The following TMEM163 variants were observed in gnomAD, a reference collection of about 807,000 sequenced individuals.
The protein encoded by TMEM163 is transmembrane protein 163.
In TMEM163, 17 loss-of-function variants were observed where a neutral mutation model predicts 29.3. The ratio of observed to expected loss-of-function variants is 0.58; its 90% CI spans 0.40 to 0.87. The LOEUF (loss-of-function observed/expected upper bound fraction) is 0.87, where lower values mean the gene tolerates loss of function less well. TMEM163 is among the 40% of genes least tolerant of loss of function. TMEM163 has a pLI of 0.00. For synonymous variants in TMEM163, 157 were observed against 160.6 expected (o/e 0.98, Z 0.17); for missense variants, 303 against 381.5 (o/e 0.79, Z 1.71).
chr2:134,476,883 C>T (rs1558916011), intron 5 of TMEM163, among the ~76,000 whole-genome samples: 1 of 152,184 alleles, frequency 6.6e-6, no homozygotes, highest in East Asian at 1.9e-4. Flanking sequence ...ATCATCACTG[C>T]CATGCCTCAT....
intron 2 of TMEM163, among the ~76,000 whole-genome samples, chr2:134,604,620 A>T (rs1682311606): frequency 6.6e-6 from 1 of 152,130 alleles, no homozygotes; most frequent in Non-Finnish European, 1.5e-5. Context: ...ACACACCTAC[A>T]AGGCAGCAGT....
rs76765723 is a variant in TMEM163, at chr2:134,688,405, A to C, written c.322+24795T>G. 2.2e-3 allele frequency among the ~76,000 whole-genome samples: 328 copies of C among 152,340 alleles called. 2 individuals carry two copies. The highest frequency in any genetic ancestry group is 7.4e-3 in the African/African-American group (308 of 41,578). On this transcript the variant is annotated intron_variant, in intron 2 of 7. Coordinates refer to ENST00000281924, the MANE Select transcript of TMEM163 (RefSeq NM_030923.5). ...GGTGGGTGTACCGAATACACATAAAAAGTCAATAATCGACCTATGACAAAT... is the reference window on the plus strand; with the variant it reads ...GGTGGGTGTACCGAATACACATAAACAGTCAATAATCGACCTATGACAAAT...
intron 2 of TMEM163, among the ~76,000 whole-genome samples, chr2:134,643,592 A>G (rs1283095762): frequency 6.6e-6 from 1 of 152,098 alleles, no homozygotes; most frequent in Non-Finnish European, 1.5e-5. Context: ...ACAAAATACT[A>G]ATAAAAAGAA....
intron 2 of TMEM163, among the ~76,000 whole-genome samples, chr2:134,624,269 G>A (rs116667153): frequency 1.7e-4 from 26 of 152,260 alleles, no homozygotes; most frequent in African/African-American, 4.1e-4. Flanking sequence ...AGCATCAAAC[G>A]CACATAGAAA....
chr2:134,514,561 G>T (rs524913), intron 4 of TMEM163, among the ~76,000 whole-genome samples: 4 of 151,954 alleles, frequency 2.6e-5, no homozygotes, highest in Non-Finnish European at 5.9e-5. Context: ...TGCAGTTCAC[G>T]CACAGAGCCA....
intron 4 of TMEM163, among the ~76,000 whole-genome samples, chr2:134,507,335 T>TATAAATAAATAA (rs756894803): frequency 7.5e-6 from 1 of 133,602 alleles, no homozygotes; most frequent in Non-Finnish European, 1.6e-5. Flanking sequence ...AAACTCTACC[T>TATAAATAAATAA]CTAAATAAAT....
chr2:134,686,773 A>G (rs138432840), intron 2 of TMEM163, among the ~76,000 whole-genome samples: 172 of 152,372 alleles, frequency 1.1e-3, no homozygotes, highest in African/African-American at 3.6e-3. Context: ...TTAGTCAGCC[A>G]GTTTCATGAA....
At chr2:134,485,604 T>A (rs474031) in intron 5 of TMEM163, among the ~76,000 whole-genome samples, 29,259 of 152,076 alleles carry the variant, frequency 0.19, 3,036 homozygotes, top group Middle Eastern at 0.33. Flanking sequence ...GGAAACCTCG[T>A]TCTGTTCTTA....
intron 2 of TMEM163, among the ~76,000 whole-genome samples, chr2:134,694,195 T>A (rs945399262): frequency 6.6e-6 from 1 of 152,200 alleles, no homozygotes; most frequent in African/African-American, 2.4e-5. Flanking sequence ...AAGAAAATAA[T>A]GACTATAAAA....
intron 6 of TMEM163, 144 bp from the exon 7 acceptor site, chr2:134,458,317 G>A (rs1686448563): frequency 2.1e-6 from 2 of 933,466 alleles, no homozygotes; most frequent in African/African-American, 1.7e-5. Flanking sequence ...GCCACCACCT[G>A]GGCCCATCAA....
At chr2:134,681,613 T>C (rs1204619857) in intron 2 of TMEM163, among the ~76,000 whole-genome samples, 2 of 152,178 alleles carry the variant, frequency 1.3e-5, no homozygotes, top group Non-Finnish European at 2.9e-5. Context: ...TCAGCTTCTA[T>C]AAGTCACACA....
intron 2 of TMEM163, among the ~76,000 whole-genome samples, chr2:134,697,748 G>T (rs924715484): frequency 6.6e-6 from 1 of 151,954 alleles, no homozygotes; most frequent in African/African-American, 2.4e-5. Flanking sequence ...TATCATCCTA[G>T]ATTCCAAAAA....
chr2:134,456,676 ACTC>A lies in TMEM163; in HGVS notation c.*37_*39del. 3 of 1,609,600 alleles carry A rather than the reference ACTC, an allele frequency of 1.9e-6. No individual in the cohort carries two copies. The highest frequency in any genetic ancestry group is 4.5e-5 in the East Asian group (2 of 44,816). On this transcript the variant is annotated 3_prime_UTR_variant, in exon 8 of 8. Transcript: ENST00000281924. ...ATTGGCACCCTTTGCCTATGTGGAA[ACTC>A]CTCATCTCGATGGTCTCATGCGGAT...
chr2:134,586,009 G>T (rs1681815292), intron 2 of TMEM163, among the ~76,000 whole-genome samples: 1 of 152,128 alleles, frequency 6.6e-6, no homozygotes, highest in South Asian at 2.1e-4. Flanking sequence ...GCCCAACAAA[G>T]TCTGGAATGA....
At chr2:134,697,035 C>A (rs1451090050) in intron 2 of TMEM163, among the ~76,000 whole-genome samples, 1 of 152,128 alleles carries the variant, frequency 6.6e-6, no homozygotes, top group Non-Finnish European at 1.5e-5. Context: ...CTTGACCTCC[C>A]AAAGTTCTGG....
intron 4 of TMEM163, among the ~76,000 whole-genome samples, chr2:134,508,757 T>C (rs1679882309): frequency 6.6e-6 from 1 of 151,072 alleles, no homozygotes; most frequent in Non-Finnish European, 1.5e-5. Flanking sequence ...TCAACTCTCC[T>C]GAACTCCAGC....
In TMEM163 at chr2:134,550,629, C is replaced by A. The variant is rs150621768; in HGVS notation, c.399G>T (p.Ala133=). 4.5e-5 allele frequency: 72 copies of A among 1,614,040 alleles called. No individual in the cohort carries two copies. Among genetic ancestry groups the A allele is most frequent in the Non-Finnish European group, 6.8e-6 (8 of 1,180,024 alleles). Residue 133 remains alanine, a synonymous_variant, in exon 4 of 8, where the codon GCG becomes GCT. Transcript: ENST00000281924. ...FDAILDVLSS[A]IVLWRYSNAA... is the part of the protein sequence containing the mutation. ...CGTTGCTGTAACGCCACAGGACAAT[C>A]GCCGATGACAGGACGTCCAGGATGG...
intron 5 of TMEM163, among the ~76,000 whole-genome samples, chr2:134,494,159 T>A (rs543721465): frequency 6.6e-6 from 1 of 152,148 alleles, no homozygotes; most frequent in Non-Finnish European, 1.5e-5. Flanking sequence ...CAGTGCCCAG[T>A]TCTATTCTGT....
At chr2:134,680,058 T>C (rs1436686340) in intron 2 of TMEM163, among the ~76,000 whole-genome samples, 1 of 152,240 alleles carries the variant, frequency 6.6e-6, no homozygotes, top group Non-Finnish European at 1.5e-5. Flanking sequence ...TGAGTTTCCA[T>C]GGCTCTGGGC....
Sources: gnomAD v4.1 joint callset for allele counts (sites outside exome capture counted in the v4.1 genomes callset) on GRCh38, gnomAD v4.1.1 for gene constraint, MANE v1.5 for transcripts, NCBI Gene and HGNC (gene_info 2026-07-23, HGNC 2026-07-21) for gene names.